MYO10: variants seen among roughly 807,000 people sequenced by gnomAD.
MYO10 encodes the protein unconventional myosin-X.
MYO10 carries 133 observed loss-of-function variants against 257.3 expected under a neutral mutation model. That is an observed-to-expected ratio of 0.52 (90% CI 0.45 to 0.60). The LOEUF is 0.60. MYO10 is among the 20% of genes least tolerant of loss of function. The pLI, the probability that MYO10 is intolerant of heterozygous loss-of-function variation, is 0.00. For missense variants in MYO10, 2,399 were observed against 2,635.7 expected (o/e 0.91, Z 1.97); for synonymous variants, 1,104 against 1,028.6 (o/e 1.07, Z -1.40).
At chr5:16,722,507 T>A (rs1162193041) in intron 19 of MYO10, among the ~76,000 whole-genome samples, 5 of 7,164 alleles carry the variant, frequency 7.0e-4, no homozygotes, top group Admixed American at 1.5e-3. Context: ...AATGAAAACG[T>A]TTTTTTGCTT....
rs749566159 is a variant in MYO10, at chr5:16,681,454, T to G, written c.4239A>C (p.Lys1413Asn). ...TGAGTACAAACCACCGTTTCTTCAG[T>G]TTCAGTGAAGACATCTTTGGACTGT... ...VKNSPKMSSL[K>N]LKKRWFVLTH... Residue 1413 changes from lysine (K) to asparagine (N), a missense_variant, in exon 32 of 41, where the codon AAA becomes AAC. Lys to Asn is a moderately conservative substitution (Grantham distance 94, BLOSUM62 0). This residue lies in a region of MYO10 where 1,820 missense variants were observed against 1,939.4 expected (regional missense o/e 0.94). Transcript: ENST00000513610. 6.2e-7 allele frequency: 1 copy of G among 1,613,864 alleles called. No individual in the cohort carries two copies. The highest frequency in any genetic ancestry group is 8.5e-7 in the Non-Finnish European group (1 of 1,179,874).
chr5:16,909,001 C>CTA (rs1745586161), intron 1 of MYO10, among the ~76,000 whole-genome samples: 1 of 152,200 alleles, frequency 6.6e-6, no homozygotes, highest in Non-Finnish European at 1.5e-5. Flanking sequence ...TGAACAGGTG[C>CTA]TATGTCTTGG....
chr5:16,668,498 A>G (rs774299070), intron 39 of MYO10, 30 bp from the exon 40 acceptor site: 10 of 1,550,630 alleles, frequency 6.4e-6, no homozygotes, highest in Non-Finnish European at 8.7e-6. Context: ...AGAAGAGTTA[A>G]GTCATGAAGT....
At chr5:16,886,761 G>A (rs963538622) in intron 1 of MYO10, among the ~76,000 whole-genome samples, 8 of 151,742 alleles carry the variant, frequency 5.3e-5, no homozygotes, top group East Asian at 1.9e-4. Context: ...GTGAAACCCC[G>A]CCTCTACTAA....
At chr5:16,841,897 T>C (rs1580062137) in intron 2 of MYO10, among the ~76,000 whole-genome samples, 1 of 152,022 alleles carries the variant, frequency 6.6e-6, no homozygotes, top group East Asian at 1.9e-4. Context: ...ATTACGGTTA[T>C]GTTTCAAACA....
At chr5:16,909,237 G>A (rs956484750) in intron 1 of MYO10, among the ~76,000 whole-genome samples, 6 of 152,118 alleles carry the variant, frequency 3.9e-5, no homozygotes, top group African/African-American at 9.7e-5. Context: ...GGCCAGGTGC[G>A]GTGGCTCACG....
chr5:16,835,810 T>TAAAA lies in MYO10; in HGVS notation c.121-17647_121-17644dup, dbSNP rs34486163. On this transcript the variant is annotated intron_variant, in intron 2 of 40. Coordinates refer to ENST00000513610, the MANE Select transcript of MYO10 (RefSeq NM_012334.3). Reference sequence around the variant, plus strand: ...ACTAATTAAGGAGGGCAAAAGTCTTTAAAAAAAAAAAAGACATTTTTGATA... The same window carrying TAAAA: ...ACTAATTAAGGAGGGCAAAAGTCTTTAAAAAAAAAAAAAAAAGACATTTTTGATA... Among the ~76,000 whole-genome samples the TAAAA allele has an allele frequency of 3.7e-3, 537 of 146,918 alleles. 9 individuals are homozygous for TAAAA. The highest frequency in any genetic ancestry group is 0.018 in the Middle Eastern group (5 of 282).
At chr5:16,920,358 G>A (rs1021592616) in intron 1 of MYO10, among the ~76,000 whole-genome samples, 1 of 152,160 alleles carries the variant, frequency 6.6e-6, no homozygotes, top group Non-Finnish European at 1.5e-5. Flanking sequence ...GAACAAAACC[G>A]GCACGTGTAC....
At chr5:16,725,306 G>T (rs1330572159) in intron 19 of MYO10, among the ~76,000 whole-genome samples, 3 of 151,894 alleles carry the variant, frequency 2.0e-5, no homozygotes, top group Non-Finnish European at 1.5e-5. Context: ...ATGTTGGCCA[G>T]GCTGGTTTCG....
intron 3 of MYO10, among the ~76,000 whole-genome samples, chr5:16,811,930 A>G (rs1454129018): frequency 2.6e-5 from 4 of 152,100 alleles, no homozygotes; most frequent in Middle Eastern, 3.2e-3. Flanking sequence ...TGAGCCACAC[A>G]TAGGTTATGT....
At chr5:16,670,332 G>GCA (rs1736386037) in intron 39 of MYO10, among the ~76,000 whole-genome samples, 194 bp downstream of exon 39, 2 of 152,102 alleles carry the variant, frequency 1.3e-5, no homozygotes, top group Non-Finnish European at 1.5e-5. Context: ...TATTACAGAT[G>GCA]TGTTTACTAC....
intron 1 of MYO10, among the ~76,000 whole-genome samples, chr5:16,909,593 G>A (rs1745606616): frequency 6.6e-6 from 1 of 151,742 alleles, no homozygotes; most frequent in African/African-American, 2.4e-5. Context: ...CTGCCCCCGT[G>A]ATTCAATTAC....
Position 16,935,924 on chromosome 5 carries a change from G to A in MYO10, c.-116C>T. 1 of 1,299,986 alleles carries A rather than the reference G, an allele frequency of 7.7e-7. No homozygotes were observed. The highest frequency in any genetic ancestry group is 1.3e-5 in the South Asian group (1 of 76,348). The allele number at this position is 1,299,986 out of a possible 1,614,324, so 80.5% of individuals were successfully genotyped here. The stretch of plus-strand genomic sequence containing the variant: ...GCGCCACTCCCGAGGACGCGCGCCC[G>A]CGGGGCTCCCCTGCTGCCATCGCCC... On this transcript the variant is annotated 5_prime_UTR_variant, in exon 1 of 41. Transcript: ENST00000513610.
intron 1 of MYO10, among the ~76,000 whole-genome samples, chr5:16,911,709 GTA>G (rs951671266): frequency 3.9e-5 from 6 of 152,104 alleles, no homozygotes; most frequent in African/African-American, 1.4e-4. Context: ...TCCATCCTGG[GTA>G]ACTGAGTGAG....
At chr5:16,882,831 G>C (rs1156676383) in intron 1 of MYO10, among the ~76,000 whole-genome samples, 3 of 151,942 alleles carry the variant, frequency 2.0e-5, no homozygotes, top group African/African-American at 7.3e-5. Context: ...TTATATACAT[G>C]TGCTGAAAAT....
At chr5:16,689,527 G>A (rs930652474) in intron 28 of MYO10, among the ~76,000 whole-genome samples, 3 of 151,962 alleles carry the variant, frequency 2.0e-5, no homozygotes, top group African/African-American at 4.8e-5. Flanking sequence ...TCATGCAGCT[G>A]TATAATTTAC....
rs890575114 is a variant in MYO10, at chr5:16,665,872, A to G, written c.*820T>C. The stretch of plus-strand genomic sequence containing the variant: ...AGACACAGATGGCAGACTTTGCTAC[A>G]TGTAAAACAATGGAGTCAACACGTG... On this transcript the variant is annotated 3_prime_UTR_variant, in exon 41 of 41. Coordinates refer to ENST00000513610, the MANE Select transcript of MYO10 (RefSeq NM_012334.3). 1 of 152,664 alleles carries G rather than the reference A, an allele frequency of 6.6e-6. No individual in the cohort carries two copies. Among genetic ancestry groups the G allele is most frequent in the Non-Finnish European group, 1.5e-5 (1 of 68,034 alleles). The allele number at this position is 152,664 out of a possible 1,614,324, so 9.5% of individuals were successfully genotyped here.
At chr5:16,833,623 G>C (rs1743222084) in intron 2 of MYO10, among the ~76,000 whole-genome samples, 1 of 152,116 alleles carries the variant, frequency 6.6e-6, no homozygotes, top group Non-Finnish European at 1.5e-5. Flanking sequence ...AAACAGGATT[G>C]ACTAGAATCT....
intron 2 of MYO10, among the ~76,000 whole-genome samples, chr5:16,845,756 G>T (rs1188734534): frequency 1.3e-5 from 2 of 152,126 alleles, no homozygotes; most frequent in African/African-American, 4.8e-5. Flanking sequence ...ACAAGGTCAA[G>T]ATATTGAGAC....
Sources: gnomAD v4.1 joint callset for allele counts (sites outside exome capture counted in the v4.1 genomes callset) on GRCh38, gnomAD v4.1.1 for gene constraint, gnomAD v4.1.1 regional missense constraint, MANE v1.5 for transcripts, NCBI Gene and HGNC (gene_info 2026-07-23, HGNC 2026-07-21) for gene names.